Variants in UGT1A9 observed in about 807,000 individuals in gnomAD.
UGT1A9 encodes the protein UDP glucuronosyltransferase family 1 member A9, also known as UDP-glucuronosyltransferase 1A9.
In UGT1A9, 35 loss-of-function variants were observed where a neutral mutation model predicts 45.0. The observed-to-expected ratio is 0.78, with a 90% confidence interval of 0.59 to 1.03. The LOEUF is 1.03. Ranked by LOEUF, UGT1A9 falls within the 50% of genes least tolerant of loss-of-function variation. UGT1A9 has a pLI of 0.00. For synonymous variants in UGT1A9, 278 were observed against 250.6 expected, an observed-to-expected ratio of 1.11 and a Z score of -1.03; for missense variants, 687 against 666.6, an observed-to-expected ratio of 1.03 and a Z score of -0.34.
chr2:233,710,601 T>C (rs2076138881), intron 1 of UGT1A9, among the ~76,000 whole-genome samples: 2 of 152,296 alleles, frequency 1.3e-5, no homozygotes, highest in Admixed American at 1.3e-4. Flanking sequence ...CCTTTATTGG[T>C]TTGTTTGTCT....
rs35129844 is a variant in UGT1A9 at position 233,767,814 on chromosome 2, C to A, written c.988-35C>A. Reference sequence around the variant, plus strand: ...ATTTGTTTTCTAATCATATTATGTTCTTTCTTTACGTTCTGCTCTTTTTGC... The same window carrying A: ...ATTTGTTTTCTAATCATATTATGTTATTTCTTTACGTTCTGCTCTTTTTGC... On this transcript the variant is annotated intron_variant, in intron 2 of 4. Coordinates refer to ENST00000354728, the MANE Select transcript of UGT1A9 (RefSeq NM_021027.3). The A allele has an allele frequency of 5.0e-6, 8 of 1,613,992 alleles. No homozygotes were observed. In the African/African-American group the frequency reaches 6.7e-5, roughly 13 times the overall value.
chr2:233,737,660 A>G (rs535932919), intron 1 of UGT1A9, among the ~76,000 whole-genome samples: 3 of 152,292 alleles, frequency 2.0e-5, no homozygotes, highest in East Asian at 3.9e-4. Context: ...GGAGCTGCAG[A>G]TCGGAGCTGT....
intron 1 of UGT1A9, among the ~76,000 whole-genome samples, chr2:233,757,321 C>G (rs1250382430): frequency 6.6e-6 from 1 of 150,460 alleles, no homozygotes; most frequent in Non-Finnish European, 1.5e-5. Context: ...GGCTGGGGCC[C>G]TGAAATGGGA....
At chr2:233,750,488 T>A (rs1694469780) in intron 1 of UGT1A9, 1 of 151,920 alleles carries the variant, frequency 6.6e-6, no homozygotes, top group African/African-American at 2.4e-5. Context: ...TTTGCATAAG[T>A]AAGGAGGAGC....
chr2:233,718,771 A>T, intron 1 of UGT1A9: 4 of 1,612,862 alleles, frequency 2.5e-6, no homozygotes, highest in Non-Finnish European at 3.4e-6. Flanking sequence ...AAACAAATGT[A>T]GCAGGCACAG....
intron 1 of UGT1A9, among the ~76,000 whole-genome samples, chr2:233,676,695 T>G (rs2074368645): frequency 6.6e-6 from 1 of 152,224 alleles, no homozygotes; most frequent in Admixed American, 6.5e-5. Context: ...TCCTGTAGAA[T>G]GTTCCTCTAG....
rs1296616460 is a variant in UGT1A9 at position 233,754,185 on chromosome 2, C to G, written c.856-12849C>G. Reference sequence around the variant, plus strand: ...ATTAATATATTCATAGATTTCACCACCACACAGTAAAACATTGAAGTCAAA... The same window carrying G: ...ATTAATATATTCATAGATTTCACCAGCACACAGTAAAACATTGAAGTCAAA... On this transcript the variant is annotated intron_variant, in intron 1 of 4. Transcript: ENST00000354728. 3.1e-5 allele frequency: 5 copies of G among 159,682 alleles called. No individual in the cohort carries two copies. The East Asian group carries it at 9.1e-4, about 29-fold the overall frequency. 9.9% of individuals were successfully genotyped at this position (159,682 alleles called of 1,614,324 possible). A position where few individuals can be genotyped will look rare whatever the true frequency, so the allele number is the denominator to read the frequency against.
chr2:233,753,830 C>T (rs560874978), intron 1 of UGT1A9, among the ~76,000 whole-genome samples: 4 of 152,332 alleles, frequency 2.6e-5, no homozygotes, highest in Non-Finnish European at 4.4e-5. Flanking sequence ...GGGCTGAAGA[C>T]AGTCCTAGTA....
chr2:233,747,367 A>T (rs752238909), intron 1 of UGT1A9: 40 of 1,604,286 alleles, frequency 2.5e-5, no homozygotes, highest in Non-Finnish European at 3.4e-5. Context: ...CGGGAGCTCC[A>T]TGCCAGAGGC....
In UGT1A9 at chr2:233,681,741, C is replaced by T. The variant is rs1044200513; in HGVS notation, c.855+8952C>T. ...TGATGAGTTACTCTTTTCTTGAAAA[C>T]ATATAAGCAGGTATCTCAGCAAAGG... On this transcript the variant is annotated intron_variant, in intron 1 of 4. Transcript: ENST00000354728. The T allele has an allele frequency of 5.1e-6, 4 of 785,016 alleles. No individual in the cohort carries two copies. The African/African-American group carries it at 7.5e-5, about 15-fold the overall frequency. 48.6% of individuals were successfully genotyped at this position (785,016 alleles called of 1,614,324 possible). A position where few individuals can be genotyped will look rare whatever the true frequency, so the allele number is the denominator to read the frequency against.
chr2:233,729,045 G>T lies in UGT1A9; in HGVS notation c.856-37989G>T. 4.4e-6 allele frequency: 7 copies of T among 1,607,648 alleles called. No homozygotes were observed. In the South Asian group the frequency reaches 7.8e-5, roughly 18 times the overall value. ...ACGTTGATTTGCTAAGTGGCTCAGT[G>T]ACAAGGTAATTAAGATGAAGAAAGC... On this transcript the variant is annotated intron_variant, in intron 1 of 4. Transcript: ENST00000354728.
intron 1 of UGT1A9, among the ~76,000 whole-genome samples, chr2:233,714,807 A>G (rs1400219342): frequency 6.6e-6 from 1 of 152,236 alleles, no homozygotes; most frequent in Non-Finnish European, 1.5e-5. Context: ...CAATATTCAT[A>G]TGTAGTTAGT....
intron 4 of UGT1A9, chr2:233,770,529 A>G (rs986919893): frequency 6.6e-6 from 1 of 152,118 alleles, no homozygotes; most frequent in Non-Finnish European, 1.5e-5. Flanking sequence ...ATGGTGGTGT[A>G]TGCCTGTAAT....
chr2:233,692,638 A>T (rs1027065840), intron 1 of UGT1A9, among the ~76,000 whole-genome samples: 1 of 152,230 alleles, frequency 6.6e-6, no homozygotes, highest in East Asian at 1.9e-4. Context: ...GACAACGTCA[A>T]TGATGAGGAA....
intron 1 of UGT1A9, among the ~76,000 whole-genome samples, chr2:233,764,316 C>G (rs1044416342): frequency 6.6e-6 from 1 of 152,124 alleles, no homozygotes; most frequent in Non-Finnish European, 1.5e-5. Context: ...TTAAGGGAAG[C>G]TTTGCCAAGT....
In UGT1A9 at chr2:233,725,076, A is replaced by C. The variant is rs376662690; in HGVS notation, c.856-41958A>C. ...GCGGCGCGCGCCTGCAATCGCAGGC[A>C]CTCGGCAGGCTGAGGCAGGAGAATC... On this transcript the variant is annotated intron_variant, in intron 1 of 4. Transcript: ENST00000354728. 3.9e-4 allele frequency among the ~76,000 whole-genome samples: 56 copies of C among 144,798 alleles called. 8 individuals are homozygous for C. In the East Asian group the frequency reaches 0.012, roughly 30 times the overall value. 95.0% of individuals were successfully genotyped at this position (144,798 alleles called of 152,430 possible).
intron 1 of UGT1A9, chr2:233,713,141 C>G (rs3755322): frequency 0.098 from 158,591 of 1,614,032 alleles, 8,806 homozygotes; most frequent in South Asian, 0.2. Flanking sequence ...CCTTGCGGGA[C>G]CTCCATGCGA....
At chr2:233,696,793 T>C (rs781512293) in intron 1 of UGT1A9, among the ~76,000 whole-genome samples, 5 of 152,308 alleles carry the variant, frequency 3.3e-5, no homozygotes, top group Middle Eastern at 3.4e-3. Context: ...TTTTGAGGTA[T>C]GTTCCTTCTG....
chr2:233,706,636 G>T (rs1013671014), intron 1 of UGT1A9, among the ~76,000 whole-genome samples: 1 of 152,178 alleles, frequency 6.6e-6, no homozygotes, highest in Non-Finnish European at 1.5e-5. Flanking sequence ...TGTTTCTACT[G>T]TGTCTGTGCC....
Sources: gnomAD v4.1 joint callset for allele counts (sites outside exome capture counted in the v4.1 genomes callset) on GRCh38, gnomAD v4.1.1 for gene constraint, MANE v1.5 for transcripts, NCBI Gene and HGNC (gene_info 2026-07-23, HGNC 2026-07-21) for gene names.